MYO1B: variants seen among roughly 807,000 people sequenced by gnomAD.
MYO1B encodes the protein myosin IB.
Under a neutral mutation model 159.7 loss-of-function variants are expected in MYO1B, and 72 were observed. The observed-to-expected ratio is 0.45, with a 90% CI of 0.37 to 0.55. MYO1B has a LOEUF of 0.55. MYO1B is among the 20% of genes least tolerant of loss of function. The pLI is 0.00. For synonymous variants in MYO1B, 468 were observed against 473.8 expected, an observed-to-expected ratio of 0.99 and a Z score of 0.16; for missense variants, 1,062 against 1,364.8, an observed-to-expected ratio of 0.78 and a Z score of 3.50.
At chr2:191,399,076 C>T (rs1696415786) in intron 21 of MYO1B, among the ~76,000 whole-genome samples, 1 of 151,994 alleles carries the variant, frequency 6.6e-6, no homozygotes, top group African/African-American at 2.4e-5. Flanking sequence ...CCAGCCCGGC[C>T]AACACAGCAA....
chr2:191,415,599 G>A (rs886509040), intron 29 of MYO1B, among the ~76,000 whole-genome samples: 2 of 147,522 alleles, frequency 1.4e-5, no homozygotes, highest in African/African-American at 5.2e-5. Flanking sequence ...TTTTTGTTTT[G>A]TTTTGTTTTT....
At chr2:191,248,404 T>C (rs1400046508) in intron 1 of MYO1B, among the ~76,000 whole-genome samples, 1 of 152,212 alleles carries the variant, frequency 6.6e-6, no homozygotes, top group Non-Finnish European at 1.5e-5. Context: ...ATGCATTTAA[T>C]ACACTTAATC....
intron 3 of MYO1B, among the ~76,000 whole-genome samples, chr2:191,323,575 G>A (rs1161176778): frequency 6.6e-6 from 1 of 152,114 alleles, no homozygotes; most frequent in African/African-American, 2.4e-5. Flanking sequence ...GGTATATGTT[G>A]AGGCTGACCT....
At chr2:191,327,917 C>T (rs920630864) in intron 3 of MYO1B, among the ~76,000 whole-genome samples, 2 of 152,176 alleles carry the variant, frequency 1.3e-5, no homozygotes, top group Admixed American at 1.3e-4. Flanking sequence ...AGCAGACTCA[C>T]TGATATGAAG....
intron 8 of MYO1B, 61 bp downstream of exon 8, chr2:191,360,790 G>GT: frequency 2.5e-5 from 17 of 676,828 alleles, no homozygotes; most frequent in South Asian, 4.7e-5. Context: ...GTTGTTGTTG[G>GT]AGCTGGGAGT....
intron 1 of MYO1B, among the ~76,000 whole-genome samples, chr2:191,254,689 A>G (rs905580777): frequency 5.3e-5 from 8 of 151,966 alleles, no homozygotes; most frequent in Non-Finnish European, 1.0e-4. Context: ...AATTTTTTGT[A>G]GAGGTGATGT....
At chr2:191,267,958 A>G (rs7598639) in intron 1 of MYO1B, among the ~76,000 whole-genome samples, 63,943 of 151,964 alleles carry the variant, frequency 0.42, 13,533 homozygotes, top group Middle Eastern at 0.54. Flanking sequence ...CCTGTCTAAT[A>G]TGCATTTATT....
In MYO1B at chr2:191,424,654, A is replaced by C. The variant is rs1487023357; in HGVS notation, c.*694A>C. The C allele has an allele frequency of 6.6e-6, 1 of 152,208 alleles. No individual in the cohort carries two copies. Among genetic ancestry groups the C allele is most frequent in the Non-Finnish European group, 1.5e-5 (1 of 68,020 alleles). The allele number at this position is 152,208 out of a possible 1,614,324, so 9.4% of individuals were successfully genotyped here. On this transcript the variant is annotated 3_prime_UTR_variant, in exon 31 of 31. Transcript: ENST00000392318. Reference sequence around the variant, plus strand: ...TTGAACAGGACTTTTAATTTGTTTAAAACTCTGGTAATTACTTGTAACAGT... The same window carrying C: ...TTGAACAGGACTTTTAATTTGTTTACAACTCTGGTAATTACTTGTAACAGT...
intron 17 of MYO1B, among the ~76,000 whole-genome samples, chr2:191,389,469 C>T (rs932048356): frequency 1.3e-5 from 2 of 152,196 alleles, no homozygotes; most frequent in Non-Finnish European, 2.9e-5. Context: ...GGGCGTGTTC[C>T]TCGTCTGCAT....
intron 4 of MYO1B, among the ~76,000 whole-genome samples, chr2:191,340,215 C>T (rs62181190): frequency 0.043 from 6,506 of 151,908 alleles, 211 homozygotes; most frequent in Non-Finnish European, 0.069. Context: ...AAAACAGATT[C>T]CATAGAAAAT....
intron 26 of MYO1B, among the ~76,000 whole-genome samples, chr2:191,410,356 A>C (rs1697182223): frequency 6.6e-6 from 1 of 152,074 alleles, no homozygotes; most frequent in Non-Finnish European, 1.5e-5. Flanking sequence ...GTAGCACTTG[A>C]CCACACCTGT....
intron 3 of MYO1B, among the ~76,000 whole-genome samples, chr2:191,320,172 A>G (rs1360417751): frequency 1.3e-5 from 2 of 152,150 alleles, no homozygotes; most frequent in East Asian, 1.9e-4. Context: ...GTTGTTTTCA[A>G]CAGGCAACAC....
chr2:191,320,065 T>C (rs1690602161), intron 3 of MYO1B, among the ~76,000 whole-genome samples: 1 of 152,110 alleles, frequency 6.6e-6, no homozygotes, highest in Admixed American at 6.6e-5. Flanking sequence ...TTGGAAGGTA[T>C]TGGGTGGCTG....
chr2:191,329,284 C>T (rs1050362967), intron 3 of MYO1B, among the ~76,000 whole-genome samples: 1 of 152,096 alleles, frequency 6.6e-6, no homozygotes, highest in African/African-American at 2.4e-5. Context: ...GGACAAAAAC[C>T]CTGGCAAACC....
chr2:191,371,453 G>T (rs1317147199), intron 13 of MYO1B, among the ~76,000 whole-genome samples: 3 of 152,196 alleles, frequency 2.0e-5, no homozygotes, highest in Admixed American at 1.3e-4. Context: ...TAAGTGGTGT[G>T]TGTATGGTCT....
At chr2:191,394,651 G>A (rs533260316) in intron 20 of MYO1B, among the ~76,000 whole-genome samples, 5 of 152,150 alleles carry the variant, frequency 3.3e-5, no homozygotes, top group Non-Finnish European at 7.3e-5. Flanking sequence ...ATGGGGAGGC[G>A]GGATGTGACC....
chr2:191,283,405 C>T (rs752784996), intron 2 of MYO1B, among the ~76,000 whole-genome samples: 5 of 152,194 alleles, frequency 3.3e-5, no homozygotes, highest in Non-Finnish European at 5.9e-5. Flanking sequence ...AACTTGACGT[C>T]TAGTCCTGGC....
chr2:191,418,025 A>G (rs529699452), intron 30 of MYO1B, among the ~76,000 whole-genome samples: 5 of 152,338 alleles, frequency 3.3e-5, no homozygotes, highest in African/African-American at 1.2e-4. Context: ...GAAGATTTAT[A>G]ATGTGGCCAC....
chr2:191,397,560 A>C, intron 21 of MYO1B, among the ~76,000 whole-genome samples: 1 of 151,610 alleles, frequency 6.6e-6, no homozygotes, highest in Non-Finnish European at 1.5e-5. Flanking sequence ...TTCTTAGTAC[A>C]GAACAAAATG....
Sources: allele counts gnomAD v4.1 joint callset (sites outside exome capture counted in the v4.1 genomes callset), GRCh38; gene constraint gnomAD v4.1.1; transcripts MANE v1.5; gene names NCBI Gene and HGNC (gene_info 2026-07-23, HGNC 2026-07-21).